NTRK3: variants seen among roughly 807,000 people sequenced by gnomAD.
NTRK3 encodes neurotrophic receptor tyrosine kinase 3.
NTRK3 carries 24 observed loss-of-function variants against 91.7 expected under a neutral mutation model. That is an observed-to-expected ratio of 0.26 (90% CI 0.19 to 0.37). The LOEUF is 0.37. NTRK3 is among the 10% of genes least tolerant of loss of function. The pLI, the probability that NTRK3 is intolerant of heterozygous loss-of-function variation, is 1.00. For missense variants in NTRK3, 880 were observed against 1,068.9 expected, an observed-to-expected ratio of 0.82 and a Z score of 2.46; for synonymous variants, 483 against 404.0, an observed-to-expected ratio of 1.20 and a Z score of -2.34.
At chr15:88,151,484 C>T (rs1174458857) in intron 5 of NTRK3, among the ~76,000 whole-genome samples, 1 of 152,132 alleles carries the variant, frequency 6.6e-6, no homozygotes. Flanking sequence ...AACCTAAGCA[C>T]AGTAAGCAGT....
chr15:87,949,739 G>A (rs979283296), intron 14 of NTRK3, among the ~76,000 whole-genome samples: 3 of 152,122 alleles, frequency 2.0e-5, no homozygotes, highest in Non-Finnish European at 4.4e-5. Context: ...CCACTTCCTG[G>A]TCTCTATATT....
chr15:87,908,967 T>C (rs1160168672), intron 17 of NTRK3, among the ~76,000 whole-genome samples: 1 of 152,038 alleles, frequency 6.6e-6, no homozygotes, highest in Non-Finnish European at 1.5e-5. Flanking sequence ...GGAGAGGAAG[T>C]GGGTTCTATC....
At chr15:88,253,697 G>A (rs2053680224) in intron 3 of NTRK3, among the ~76,000 whole-genome samples, 1 of 152,174 alleles carries the variant, frequency 6.6e-6, no homozygotes, top group Non-Finnish European at 1.5e-5. Context: ...GGTGTTGGGT[G>A]GATTTAGAGA....
At chr15:88,149,894 C>T (rs1189782018) in intron 5 of NTRK3, among the ~76,000 whole-genome samples, 1 of 152,334 alleles carries the variant, frequency 6.6e-6, no homozygotes, top group East Asian at 1.9e-4. Flanking sequence ...TTCTGTTTTG[C>T]TCTATTTTGC....
At chr15:88,081,279 T>TG (rs2048017491) in intron 13 of NTRK3, among the ~76,000 whole-genome samples, 1 of 152,068 alleles carries the variant, frequency 6.6e-6, no homozygotes, top group African/African-American at 2.4e-5. Flanking sequence ...GACAGAAGGA[T>TG]GGGGTGGAGT....
At chr15:88,173,675 C>T (rs2045732548) in intron 5 of NTRK3, among the ~76,000 whole-genome samples, 1 of 152,248 alleles carries the variant, frequency 6.6e-6, no homozygotes, top group African/African-American at 2.4e-5. Context: ...TGGGCCTTCC[C>T]CTCCATCTGC....
chr15:87,919,530 T>C (rs887276167), intron 17 of NTRK3, among the ~76,000 whole-genome samples: 2 of 152,276 alleles, frequency 1.3e-5, no homozygotes, highest in Admixed American at 6.5e-5. Context: ...GAGTTGCAGG[T>C]AGATGTCCCC....
At chr15:88,039,220 A>G (rs1414284255) in intron 13 of NTRK3, among the ~76,000 whole-genome samples, 1 of 151,934 alleles carries the variant, frequency 6.6e-6, no homozygotes, top group Non-Finnish European at 1.5e-5. Flanking sequence ...GCTGTCACTA[A>G]TCCATTCCAA....
intron 15 of NTRK3, among the ~76,000 whole-genome samples, 171 bp downstream of exon 15, chr15:87,940,452 G>T (rs963836694): frequency 6.6e-6 from 1 of 152,184 alleles, no homozygotes; most frequent in African/African-American, 2.4e-5. Context: ...GGAAGCCAAA[G>T]GAAGTTGTTT....
intron 14 of NTRK3, among the ~76,000 whole-genome samples, chr15:88,018,092 C>G (rs2077362698): frequency 1.3e-5 from 2 of 152,160 alleles, no homozygotes; most frequent in African/African-American, 4.8e-5. Flanking sequence ...AAAAATAGGT[C>G]AACTTGGATC....
chr15:88,119,070 G>T (rs571911962), intron 13 of NTRK3, among the ~76,000 whole-genome samples: 4 of 152,308 alleles, frequency 2.6e-5, no homozygotes, highest in Admixed American at 2.6e-4. Flanking sequence ...TAGGAGAGTC[G>T]ATGCAAGGGA....
chr15:88,194,446 G>T (rs2047655628), intron 3 of NTRK3, among the ~76,000 whole-genome samples: 1 of 152,236 alleles, frequency 6.6e-6, no homozygotes, highest in South Asian at 2.1e-4. Flanking sequence ...CTCCCAGTGA[G>T]CTGTCTCCAT....
intron 3 of NTRK3, among the ~76,000 whole-genome samples, chr15:88,232,997 C>A (rs2051343852): frequency 6.6e-6 from 1 of 152,162 alleles, no homozygotes; most frequent in African/African-American, 2.4e-5. Flanking sequence ...AGACCCTCCC[C>A]CCAGCCCAGA....
intron 17 of NTRK3, among the ~76,000 whole-genome samples, chr15:87,918,206 T>G (rs2067595616): frequency 6.6e-6 from 1 of 152,164 alleles, no homozygotes; most frequent in Non-Finnish European, 1.5e-5. Flanking sequence ...CCTGCCTTTA[T>G]GGTCTTAGTT....
intron 17 of NTRK3, among the ~76,000 whole-genome samples, chr15:87,897,555 G>A (rs1441415219): frequency 6.6e-6 from 1 of 152,112 alleles, no homozygotes; most frequent in Non-Finnish European, 1.5e-5. Flanking sequence ...ACCAAGCTCA[G>A]ATCCATGGAT....
intron 13 of NTRK3, among the ~76,000 whole-genome samples, chr15:88,048,785 A>G (rs571583543): frequency 1.3e-5 from 2 of 152,210 alleles, no homozygotes; most frequent in Non-Finnish European, 2.9e-5. Context: ...AAGTCAAACC[A>G]TCTTACCAGG....
chr15:88,009,033 G>T (rs1273521408), intron 14 of NTRK3, among the ~76,000 whole-genome samples: 1 of 152,166 alleles, frequency 6.6e-6, no homozygotes, highest in Non-Finnish European at 1.5e-5. Flanking sequence ...GCCTCCAGGG[G>T]ACCTCTAGTT....
chr15:87,916,662 T>A, intron 17 of NTRK3: 1 of 690,144 alleles, frequency 1.4e-6, no homozygotes, highest in Non-Finnish European at 2.6e-6. Flanking sequence ...GTTATTATTT[T>A]TTGGCAGGAT....
At chr15:88,078,913 T>C (rs1328954755) in intron 13 of NTRK3, among the ~76,000 whole-genome samples, 1 of 152,110 alleles carries the variant, frequency 6.6e-6, no homozygotes, top group African/African-American at 2.4e-5. Flanking sequence ...TCAGGAGGTG[T>C]GGGGCCTTTG....
Sources: gnomAD v4.1 joint callset for allele counts (sites outside exome capture counted in the v4.1 genomes callset) on GRCh38, gnomAD v4.1.1 for gene constraint, MANE v1.5 for transcripts, NCBI Gene and HGNC (gene_info 2026-07-23, HGNC 2026-07-21) for gene names.